The following AGBL4 variants were observed in gnomAD, a reference collection of about 807,000 sequenced individuals.
AGBL4 encodes AGBL carboxypeptidase 4.
A neutral mutation model predicts 66.4 loss-of-function variants in AGBL4; 58 were observed. The ratio of observed to expected loss-of-function variants is 0.87; its 90% confidence interval spans 0.71 to 1.09. The LOEUF (loss-of-function observed/expected upper bound fraction) is 1.09. Ranked by LOEUF, AGBL4 falls within the 50% of genes least tolerant of loss-of-function variation. The pLI, the probability that AGBL4 is intolerant of heterozygous loss-of-function variation, is 0.00. For missense variants in AGBL4, 579 were observed against 631.0 expected, an observed-to-expected ratio of 0.92 and a Z score of 0.88; for synonymous variants, 234 against 222.9, an observed-to-expected ratio of 1.05 and a Z score of -0.44.
intron 1 of AGBL4, among the ~76,000 whole-genome samples, chr1:49,873,543 G>A (rs1329233472): frequency 6.6e-6 from 1 of 152,014 alleles, no homozygotes; most frequent in Non-Finnish European, 1.5e-5. Context: ...GTCAGATATT[G>A]CCACAGGTAG....
intron 1 of AGBL4, among the ~76,000 whole-genome samples, chr1:49,909,276 A>T (rs1483666215): frequency 6.6e-6 from 1 of 152,192 alleles, no homozygotes; most frequent in Non-Finnish European, 1.5e-5. Context: ...ACACACACAC[A>T]TATACATACC....
At chr1:49,721,702 A>C (rs1361973102) in intron 2 of AGBL4, among the ~76,000 whole-genome samples, 1 of 152,182 alleles carries the variant, frequency 6.6e-6, no homozygotes, top group Non-Finnish European at 1.5e-5. Context: ...ACTATATTGC[A>C]AAAGGCCAAG....
At chr1:49,520,713 C>T (rs985549180) in intron 3 of AGBL4, among the ~76,000 whole-genome samples, 1 of 152,130 alleles carries the variant, frequency 6.6e-6, no homozygotes, top group East Asian at 1.9e-4. Flanking sequence ...CAAACACACA[C>T]AGCACTCCTC....
chr1:49,395,735 ATATATATATATG>A (rs1644945893), intron 3 of AGBL4, among the ~76,000 whole-genome samples: 2 of 142,432 alleles, frequency 1.4e-5, no homozygotes, highest in African/African-American at 2.6e-5. Context: ...AAATGTGTGT[ATATATATATATG>A]TATATATATA....
At chr1:49,647,712 C>T (rs190143664) in intron 3 of AGBL4, among the ~76,000 whole-genome samples, 2 of 152,012 alleles carry the variant, frequency 1.3e-5, no homozygotes, top group Admixed American at 6.6e-5. Flanking sequence ...AGAGCCTAAC[C>T]TACAGGGATT....
chr1:50,002,320 T>A (rs114852446), intron 1 of AGBL4, among the ~76,000 whole-genome samples: 51 of 151,708 alleles, frequency 3.4e-4, no homozygotes, highest in African/African-American at 1.2e-3. Flanking sequence ...TTGTACTGGT[T>A]TACTCCGATT....
At position 49,080,262 on chromosome 1, in the gene AGBL4, C is replaced by G. The variant is rs1355723674; in HGVS notation, c.378-34462G>C. Among the ~76,000 whole-genome samples the G allele has an allele frequency of 2.0e-5, 3 of 152,146 alleles. No individual in the cohort carries two copies. In the South Asian group the frequency reaches 6.2e-4, roughly 32 times the overall value. On this transcript the variant is annotated intron_variant, in intron 4 of 13. Coordinates refer to ENST00000371839, the MANE Select transcript of AGBL4 (RefSeq NM_032785.4). ...GTTAATGTTCAAGGAGAGTACAAAG[C>G]TGAACTATTTTCAAAGGTGTAAGCA...
At chr1:49,824,141 A>C (rs1645443925) in intron 2 of AGBL4, among the ~76,000 whole-genome samples, 1 of 152,132 alleles carries the variant, frequency 6.6e-6, no homozygotes, top group Non-Finnish European at 1.5e-5. Flanking sequence ...CCCGGGAGGC[A>C]GAAGTTGCAG....
chr1:49,501,577 TTA>T (rs1648157556), intron 3 of AGBL4, among the ~76,000 whole-genome samples: 1 of 152,056 alleles, frequency 6.6e-6, no homozygotes, highest in Non-Finnish European at 1.5e-5. Context: ...CCATTTTTAT[TTA>T]TCTTTTCAAA....
At chr1:48,635,526 C>T (rs1212013247) in intron 8 of AGBL4, among the ~76,000 whole-genome samples, 1 of 152,212 alleles carries the variant, frequency 6.6e-6, no homozygotes, top group African/African-American at 2.4e-5. Context: ...GATAATGCCC[C>T]CATGGTATGC....
At chr1:49,080,858 C>A (rs1644797563) in intron 4 of AGBL4, among the ~76,000 whole-genome samples, 3 of 152,110 alleles carry the variant, frequency 2.0e-5, no homozygotes, top group African/African-American at 4.8e-5. Context: ...TGTGGTTTTT[C>A]ATATCAACTT....
At chr1:49,591,960 TG>T (rs1644759623) in intron 3 of AGBL4, among the ~76,000 whole-genome samples, 1 of 152,140 alleles carries the variant, frequency 6.6e-6, no homozygotes, top group Admixed American at 6.5e-5. Context: ...AAGACTTAAA[TG>T]TAAAACATAA....
intron 3 of AGBL4, among the ~76,000 whole-genome samples, chr1:49,260,849 C>T (rs1053881118): frequency 1.3e-5 from 2 of 151,700 alleles, no homozygotes; most frequent in Admixed American, 1.3e-4. Flanking sequence ...GGCAGAGACA[C>T]AACCAAAAAA....
chr1:49,995,425 T>A, intron 1 of AGBL4: 1 of 388,028 alleles, frequency 2.6e-6, no homozygotes, highest in South Asian at 1.9e-5. Context: ...GCAGCCATAA[T>A]CCCCCTGAGA....
chr1:49,408,437 T>C (rs1333910007), intron 3 of AGBL4, among the ~76,000 whole-genome samples: 1 of 152,188 alleles, frequency 6.6e-6, no homozygotes, highest in Non-Finnish European at 1.5e-5. Flanking sequence ...CTTGATTAGA[T>C]AGAAGGATGC....
chr1:48,682,174 C>A (rs1370962028), intron 6 of AGBL4, among the ~76,000 whole-genome samples: 1 of 152,144 alleles, frequency 6.6e-6, no homozygotes, highest in African/African-American at 2.4e-5. Flanking sequence ...CCTGCCAATA[C>A]CTTCATCTCA....
chr1:49,648,923 A>T (rs758329774), intron 3 of AGBL4, among the ~76,000 whole-genome samples: 6 of 152,140 alleles, frequency 3.9e-5, no homozygotes, highest in Non-Finnish European at 7.4e-5. Context: ...AGAATAAATA[A>T]GTGAAGGTAA....
At chr1:49,807,528 G>A (rs945395120) in intron 2 of AGBL4, among the ~76,000 whole-genome samples, 4 of 152,204 alleles carry the variant, frequency 2.6e-5, no homozygotes, top group Non-Finnish European at 5.9e-5. Context: ...CATAGCTAGA[G>A]AGTAATTTGC....
chr1:48,676,042 T>C (rs1221577919), intron 6 of AGBL4, among the ~76,000 whole-genome samples: 2 of 152,238 alleles, frequency 1.3e-5, no homozygotes, highest in Admixed American at 1.3e-4. Flanking sequence ...GGATTCTTTC[T>C]ACAAATTCTA....
Sources: allele counts gnomAD v4.1 joint callset (sites outside exome capture counted in the v4.1 genomes callset), GRCh38; gene constraint gnomAD v4.1.1; transcripts MANE v1.5; gene names NCBI Gene and HGNC (gene_info 2026-07-23, HGNC 2026-07-21).